The following CX3CR1 variants were observed in gnomAD, a reference collection of about 807,000 sequenced individuals.
CX3CR1 encodes CX3C chemokine receptor 1.
For missense variants in CX3CR1, 363 were observed against 432.4 expected (o/e 0.84, Z 1.42); for synonymous variants, 168 against 178.5 (o/e 0.94, Z 0.47).
the CX3CR1 span, among the ~76,000 whole-genome samples, chr3:39,290,488 C>A: frequency 6.6e-6 from 1 of 152,162 alleles, no homozygotes; most frequent in Non-Finnish European, 1.5e-5. Flanking sequence ...CCAAGTGGTA[C>A]AATCTGCTAA....
At chr3:39,283,520 G>T (rs1395598615), upstream of CX3CR1, among the ~76,000 whole-genome samples, 1 of 151,862 alleles carries the variant, frequency 6.6e-6, no homozygotes, top group African/African-American at 2.4e-5. Flanking sequence ...GGTGGCTCAC[G>T]CCTGTAATTC....
In CX3CR1 at chr3:39,266,647, C is replaced by T. The variant is rs1214223496; in HGVS notation, c.-9-129G>A. ...GTTGGGTGCACACTACATTTCCCAA[C>T]TTCCCACTTGCCATCTTGTTTAATC... On this transcript the variant is annotated intron_variant, in intron 1 of 1. Transcript: ENST00000399220. 3.4e-6 allele frequency: 3 copies of T among 886,558 alleles called. No individual in the cohort carries two copies. In the East Asian group the frequency reaches 7.2e-5, roughly 21 times the overall value. 54.9% of individuals were successfully genotyped at this position (886,558 alleles called of 1,614,324 possible).
At chr3:39,287,671 G>A in the CX3CR1 span, 2 of 152,176 alleles carry the variant, frequency 1.3e-5, no homozygotes, top group African/African-American at 4.8e-5. Context: ...CAAATGGAAG[G>A]TTCACGTATT....
At chr3:39,268,917 T>C (rs1003023173) in intron 1 of CX3CR1, among the ~76,000 whole-genome samples, 1 of 152,212 alleles carries the variant, frequency 6.6e-6, no homozygotes, top group Non-Finnish European at 1.5e-5. Context: ...CAAAAGCCCT[T>C]TGGATCTTTG....
At chr3:39,270,172 T>C (rs2040760317) in intron 1 of CX3CR1, among the ~76,000 whole-genome samples, 1 of 152,216 alleles carries the variant, frequency 6.6e-6, no homozygotes, top group Non-Finnish European at 1.5e-5. Context: ...ACTCGATGAC[T>C]ATCAAACAGT....
At chr3:39,276,481 A>C (rs960215817) in intron 1 of CX3CR1, among the ~76,000 whole-genome samples, 2 of 152,224 alleles carry the variant, frequency 1.3e-5, no homozygotes, top group African/African-American at 4.8e-5. Context: ...AGTGCCCTGT[A>C]GATATGGACC....
At chr3:39,276,793 T>C (rs574113200) in intron 1 of CX3CR1, among the ~76,000 whole-genome samples, 1 of 152,312 alleles carries the variant, frequency 6.6e-6, no homozygotes, top group South Asian at 2.1e-4. Context: ...AGATCAAAAA[T>C]AGGCAAAGCT....
intron 1 of CX3CR1, among the ~76,000 whole-genome samples, chr3:39,268,037 C>G (rs775787695): frequency 6.6e-6 from 1 of 152,176 alleles, no homozygotes; most frequent in African/African-American, 2.4e-5. Flanking sequence ...GCAAAGCTCA[C>G]GCTTTAACCG....
At chr3:39,266,558 A>C in intron 1 of CX3CR1, 40 bp from the exon 2 acceptor site, 1 of 1,602,072 alleles carries the variant, frequency 6.2e-7, no homozygotes, top group Non-Finnish European at 8.6e-7. Flanking sequence ...GTTAGTTATC[A>C]GAGAAACAAA....
chr3:39,291,774 T>C, the CX3CR1 span, among the ~76,000 whole-genome samples: 1 of 152,214 alleles, frequency 6.6e-6, no homozygotes, highest in Non-Finnish European at 1.5e-5. Flanking sequence ...GAGAAGTAAC[T>C]TGAAGACACT....
At chr3:39,285,244 T>C (rs987462717), upstream of CX3CR1, among the ~76,000 whole-genome samples, 1 of 145,392 alleles carries the variant, frequency 6.9e-6, no homozygotes, top group African/African-American at 2.5e-5. Flanking sequence ...TAGCTGGGCA[T>C]GGTGGTGCCG....
At chr3:39,290,194 C>T in the CX3CR1 span, among the ~76,000 whole-genome samples, 2 of 152,140 alleles carry the variant, frequency 1.3e-5, no homozygotes, top group Admixed American at 6.5e-5. Flanking sequence ...AGGGAGGATT[C>T]AGGAAGCAGG....
chr3:39,278,650 C>T (rs1049195990), intron 1 of CX3CR1, among the ~76,000 whole-genome samples: 72 of 115,314 alleles, frequency 6.2e-4, no homozygotes, highest in Middle Eastern at 4.3e-3. Context: ...ATTTTTTTTT[C>T]TTTTCTTTTT....
chr3:39,289,601 T>A, the CX3CR1 span, among the ~76,000 whole-genome samples: 1 of 150,844 alleles, frequency 6.6e-6, no homozygotes, highest in African/African-American at 2.5e-5. Context: ...CTGAATGGCC[T>A]TTTAACTATT....
At chr3:39,281,732 C>T (rs56274567), upstream of CX3CR1, 12 of 1,474,046 alleles carry the variant, frequency 8.1e-6, no homozygotes, top group East Asian at 2.3e-4. Context: ...GCACGGCCCG[C>T]CCCTTCTCAC....
intron 1 of CX3CR1, among the ~76,000 whole-genome samples, chr3:39,279,268 T>C (rs954378514): frequency 1.3e-5 from 2 of 152,086 alleles, no homozygotes; most frequent in Non-Finnish European, 1.5e-5. Flanking sequence ...CATGAAACTA[T>C]CTGCAATGCA....
chr3:39,281,758 C>T, upstream of CX3CR1: 2 of 1,227,784 alleles, frequency 1.6e-6, no homozygotes, highest in Non-Finnish European at 2.3e-6. Flanking sequence ...ACTGTGCTCT[C>T]ACCACTTCCA....
chr3:39,280,181 T>C (rs1459995332), upstream of CX3CR1: 1 of 984,546 alleles, frequency 1.0e-6, no homozygotes, highest in African/African-American at 1.7e-5. Flanking sequence ...AGGGCCTGAC[T>C]TTATAAACCT....
intron 1 of CX3CR1, among the ~76,000 whole-genome samples, chr3:39,272,917 A>G (rs1210460470): frequency 6.6e-6 from 1 of 152,194 alleles, no homozygotes; most frequent in Non-Finnish European, 1.5e-5. Context: ...CTCCACACAC[A>G]AGATCCCACC....
Sources: allele counts gnomAD v4.1 joint callset (sites outside exome capture counted in the v4.1 genomes callset), GRCh38; gene constraint gnomAD v4.1.1; transcripts MANE v1.5; gene names NCBI Gene and HGNC (gene_info 2026-07-23, HGNC 2026-07-21).